Variants in SLCO1B3 observed in about 807,000 individuals in gnomAD.
SLCO1B3 encodes the protein solute carrier organic anion transporter family member 1B3.
SLCO1B3 carries 72 observed loss-of-function variants against 71.8 expected under a neutral mutation model. The observed-to-expected ratio is 1.00, with a 90% CI of 0.83 to 1.22. The LOEUF (loss-of-function observed/expected upper bound fraction) is 1.22, where lower values mean the gene tolerates loss of function less well. SLCO1B3 is among the 50% of genes most tolerant of loss of function. The pLI is 0.00. For synonymous variants in SLCO1B3, 298 were observed against 278.4 expected, an observed-to-expected ratio of 1.07 and a Z score of -0.70; for missense variants, 911 against 819.7, an observed-to-expected ratio of 1.11 and a Z score of -1.36.
At chr12:20,832,915 G>A (rs774191054) in intron 3 of SLCO1B3, among the ~76,000 whole-genome samples, 19 of 151,444 alleles carry the variant, frequency 1.3e-4, no homozygotes, top group Non-Finnish European at 2.2e-4. Flanking sequence ...GCGTGTTTGC[G>A]CACGTGTGTT....
At chr12:20,892,829 T>C (rs1032669791) in intron 13 of SLCO1B3, among the ~76,000 whole-genome samples, 2 of 152,148 alleles carry the variant, frequency 1.3e-5, no homozygotes, top group African/African-American at 4.8e-5. Context: ...ATGTCTGTGC[T>C]TATGAATTTA....
chr12:20,899,322 G>A (rs1014913917), intron 14 of SLCO1B3, among the ~76,000 whole-genome samples: 1 of 152,138 alleles, frequency 6.6e-6, no homozygotes, highest in Non-Finnish European at 1.5e-5. Context: ...TGGGAAGTAG[G>A]AAAAGGGCAT....
chr12:20,875,813 A>G (rs955964742), intron 9 of SLCO1B3, among the ~76,000 whole-genome samples: 1 of 152,002 alleles, frequency 6.6e-6, no homozygotes, highest in African/African-American at 2.4e-5. Context: ...TCATTCATTT[A>G]TTTATTTAAC....
chr12:20,856,243 A>T (rs1023011424), intron 4 of SLCO1B3, among the ~76,000 whole-genome samples: 2 of 152,178 alleles, frequency 1.3e-5, no homozygotes, highest in African/African-American at 2.4e-5. Flanking sequence ...GAACATCATT[A>T]TCAGTTTGGT....
intron 3 of SLCO1B3, among the ~76,000 whole-genome samples, chr12:20,843,399 T>G (rs1007250096): frequency 6.6e-6 from 1 of 152,196 alleles, no homozygotes; most frequent in East Asian, 1.9e-4. Flanking sequence ...TTTTGAGACC[T>G]TATATGCTCA....
chr12:20,868,417 G>A lies in SLCO1B3; in HGVS notation c.727+5563G>A, dbSNP rs116433971. Among the ~76,000 whole-genome samples, 1,333 of 152,006 alleles carry A rather than the reference G, an allele frequency of 8.8e-3. 13 individuals carry two copies. Among genetic ancestry groups the A allele is most frequent in the African/African-American group, 0.03 (1,257 of 41,518 alleles). ...AACTACAGGCACAATGTTGTACAGCGGATCTCTAGAGCTTACTCATCTTGT... is the reference window on the plus strand; with the variant it reads ...AACTACAGGCACAATGTTGTACAGCAGATCTCTAGAGCTTACTCATCTTGT... On this transcript the variant is annotated intron_variant, in intron 8 of 15. Coordinates refer to ENST00000381545, the MANE Select transcript of SLCO1B3 (RefSeq NM_019844.4).
chr12:20,883,319 A>G (rs1865728035), intron 12 of SLCO1B3, 99 bp from the exon 13 acceptor site: 2 of 651,958 alleles, frequency 3.1e-6, no homozygotes, highest in Non-Finnish European at 4.7e-6. Flanking sequence ...TAAACTGTAA[A>G]TATTTTAGTT....
In SLCO1B3 at chr12:20,883,496, A is replaced by G. The variant is rs1865733367; in HGVS notation, c.1576A>G (p.Arg526Gly). The G allele has an allele frequency of 6.2e-7, 1 of 1,604,126 alleles. No homozygotes were observed. Among genetic ancestry groups the G allele is most frequent in the East Asian group, 2.3e-5 (1 of 44,288 alleles). The change falls in exon 13 of 16, where the codon AGA becomes GGA. Residue 526 changes from arginine (R) to glycine (G), a missense_variant. Transcript: ENST00000381545. Reference sequence around the variant, plus strand: ...CTCAGCACACTTGGGTGAATGCCCAAGAGATAATACTTGTACAAGGAAATT... The same window carrying G: ...CTCAGCACACTTGGGTGAATGCCCAGGAGATAATACTTGTACAAGGAAATT... ...NYSAHLGECP[R>G]DNTCTRKFFI... is the part of the protein sequence containing the mutation.
rs200473248 is a variant in SLCO1B3 at position 20,855,156 on chromosome 12, A to G, written c.213A>G (p.Gly71=). The part of the protein sequence containing the change: ...ISSSLAGLID[G]SFEIGNLLVI... Reference sequence around the variant, plus strand: ...CTTCTCTTGCTGGTTTAATTGATGGAAGCTTTGAAATTGGTAACTTTTATT... The same window carrying G: ...CTTCTCTTGCTGGTTTAATTGATGGGAGCTTTGAAATTGGTAACTTTTATT... The change falls in exon 4 of 16, where the codon GGA becomes GGG. Residue 71 remains glycine (G), a synonymous_variant. Transcript: ENST00000381545. 1.2e-6 allele frequency: 2 copies of G among 1,604,388 alleles called. No individual in the cohort carries two copies. Among genetic ancestry groups the G allele is most frequent in the Non-Finnish European group, 1.7e-6 (2 of 1,176,080 alleles).
At chr12:20,884,940 A>G (rs935019555) in intron 13 of SLCO1B3, among the ~76,000 whole-genome samples, 2 of 152,140 alleles carry the variant, frequency 1.3e-5, no homozygotes, top group African/African-American at 4.8e-5. Flanking sequence ...TAAAATGTCA[A>G]TTCAGAAGGA....
At position 20,877,818 on chromosome 12, in the gene SLCO1B3, T is replaced by C. The variant is rs1865611890; in HGVS notation, c.1017T>C (p.Val339=). ...LKSILTNPLY[V]IFLLLTLLQV... is the part of the protein sequence containing the mutation. ...GCATCCTTACCAATCCCCTGTATGTTATATTTCTGCTTTTGACATTGTTAC... is the reference window on the plus strand; with the variant it reads ...GCATCCTTACCAATCCCCTGTATGTCATATTTCTGCTTTTGACATTGTTAC... Residue 339 remains valine, a synonymous_variant, in exon 10 of 16, where the codon GTT becomes GTC. Coordinates refer to ENST00000381545, the MANE Select transcript of SLCO1B3 (RefSeq NM_019844.4). 1.3e-6 allele frequency: 2 copies of C among 1,569,100 alleles called. No homozygotes were observed. Among genetic ancestry groups the C allele is most frequent in the Admixed American group, 3.7e-5 (2 of 53,624 alleles).
At chr12:20,853,935 T>G (rs1201106693) in intron 3 of SLCO1B3, among the ~76,000 whole-genome samples, 3 of 151,968 alleles carry the variant, frequency 2.0e-5, no homozygotes, top group Admixed American at 6.6e-5. Flanking sequence ...CCTCAGATAT[T>G]TTATTAATTC....
intron 10 of SLCO1B3, among the ~76,000 whole-genome samples, chr12:20,878,993 C>G (rs1865636247): frequency 6.6e-6 from 1 of 151,934 alleles, no homozygotes. Context: ...ATAGAAATCT[C>G]AGAGAAAGAA....
Position 20,898,866 on chromosome 12 carries a change from C to G in SLCO1B3, c.1747+366C>G, listed in dbSNP as rs377403059. On this transcript the variant is annotated intron_variant, in intron 14 of 15. Coordinates refer to ENST00000381545, the MANE Select transcript of SLCO1B3 (RefSeq NM_019844.4). Reference sequence around the variant, plus strand: ...ACCTTCCTTCCAAATGGAGACATTACTTAGGACAGCCCTAAAGTAGCTTGG... The same window carrying G: ...ACCTTCCTTCCAAATGGAGACATTAGTTAGGACAGCCCTAAAGTAGCTTGG... Among the ~76,000 whole-genome samples, 34 of 152,244 alleles carry G rather than the reference C, an allele frequency of 2.2e-4. No homozygotes were observed. The South Asian group carries it at 6.8e-3, about 31-fold the overall frequency.
intron 3 of SLCO1B3, among the ~76,000 whole-genome samples, chr12:20,829,419 A>T (rs1335698779): frequency 6.6e-6 from 1 of 152,240 alleles, no homozygotes; most frequent in African/African-American, 2.4e-5. Context: ...GGTCTCCTTC[A>T]TCATCATGGA....
At chr12:20,823,218 C>G (rs1864354047) in intron 3 of SLCO1B3, among the ~76,000 whole-genome samples, 1 of 152,036 alleles carries the variant, frequency 6.6e-6, no homozygotes, top group African/African-American at 2.4e-5. Flanking sequence ...CTGTTATTTT[C>G]TTCTGAAGTT....
chr12:20,858,402 A>C, intron 4 of SLCO1B3, 37 bp from the exon 5 acceptor site: 3 of 1,447,846 alleles, frequency 2.1e-6, no homozygotes, highest in Non-Finnish European at 2.9e-6. Context: ...ACAAAATTAC[A>C]CTAAGTCATA....
At chr12:20,811,827 A>G (rs936935955) in intron 1 of SLCO1B3, among the ~76,000 whole-genome samples, 2 of 152,204 alleles carry the variant, frequency 1.3e-5, no homozygotes, top group African/African-American at 2.4e-5. Flanking sequence ...AAATGCCACA[A>G]TGAAGTAAAA....
intron 3 of SLCO1B3, among the ~76,000 whole-genome samples, chr12:20,820,120 G>A (rs1337157178): frequency 6.6e-6 from 1 of 152,100 alleles, no homozygotes; most frequent in Admixed American, 6.5e-5. Context: ...ATGGAGGCAA[G>A]GGAAACAGGC....
Sources: allele counts gnomAD v4.1 joint callset (sites outside exome capture counted in the v4.1 genomes callset), GRCh38; gene constraint gnomAD v4.1.1; transcripts MANE v1.5; gene names NCBI Gene and HGNC (gene_info 2026-07-23, HGNC 2026-07-21).